Variants in ALG13 observed in about 807,000 individuals in gnomAD.
ALG13 encodes UDP-N-acetylglucosamine transferase subunit ALG13.
ALG13 carries 11 observed loss-of-function variants against 87.8 expected under a neutral mutation model. The ratio of observed to expected loss-of-function variants is 0.13; its 90% CI spans 0.08 to 0.21. The LOEUF is 0.21. Among genes scored for constraint, ALG13 ranks in the 10% least tolerant of loss-of-function variants. The pLI is 1.00. For missense variants in ALG13, 756 were observed against 866.1 expected (o/e 0.87, Z 1.60); for synonymous variants, 320 against 306.3 (o/e 1.04, Z -0.47).
intron 18 of ALG13, 93 bp downstream of exon 18, chrX:111,727,863 A>G (rs1174705358): frequency 3.3e-6 from 3 of 920,493 alleles, no homozygotes; most frequent in Non-Finnish European, 4.4e-6. Context: ...TAGATTTTGT[A>G]CAAATAACCA....
chrX:111,760,221 A>G lies in ALG13; in HGVS notation c.*222A>G, dbSNP rs1256296666. On this transcript the variant is annotated 3_prime_UTR_variant, in exon 27 of 27. Coordinates refer to ENST00000394780, the MANE Select transcript of ALG13 (RefSeq NM_001099922.3). ...TTGAGATGGATGTACAACTAGCCCC[A>G]TATTGAGCATACTTCATTGTATTCA... The G allele has an allele frequency of 5.1e-6, 2 of 390,071 alleles. No homozygotes were observed. Among genetic ancestry groups the G allele is most frequent in the Non-Finnish European group, 8.6e-6 (2 of 232,280 alleles). The allele number at this position is 390,071 out of a possible 1,213,427, so 32.1% of individuals were successfully genotyped here.
In ALG13 at chrX:111,736,864, A is replaced by G. The variant is rs1943295244; in HGVS notation, c.2680A>G (p.Thr894Ala). Residue 894 changes from threonine (T) to alanine (A), a missense_variant, in exon 23 of 27, where the codon ACA becomes GCA. By Grantham distance (58) the Thr-to-Ala change is moderately conservative (BLOSUM62 0). Coordinates refer to ENST00000394780, the MANE Select transcript of ALG13 (RefSeq NM_001099922.3). ...AIQPLFVSPPTHGRPVIASPS... is the reference protein window; with the variant it reads ...AIQPLFVSPPAHGRPVIASPS... ...ACAGCCTCTCTTTGTATCTCCACCT[A>G]CACACGGCAGGCCAGGTAGGTTATT... is the stretch of plus-strand genomic sequence containing the variant. 2.5e-6 allele frequency: 3 copies of G among 1,206,009 alleles called. No individual in the cohort carries two copies. The highest frequency in any genetic ancestry group is 3.4e-6 in the Non-Finnish European group (3 of 893,037).
Position 111,707,127 on chromosome X carries a change from A to G in ALG13, c.384-900A>G, listed in dbSNP as rs866045683. On this transcript the variant is annotated intron_variant, in intron 3 of 26. Coordinates refer to ENST00000394780, the MANE Select transcript of ALG13 (RefSeq NM_001099922.3). ...ACAAGCAATTGGGCCTGCCTTTGGC[A>G]CTTAGTATTTTCTTTGGTTTTCTCA... is the stretch of plus-strand genomic sequence containing the variant. Among the ~76,000 whole-genome samples the G allele has an allele frequency of 5.4e-5, 6 of 111,494 alleles. No individual in the cohort carries two copies. The South Asian group carries it at 2.3e-3, about 42-fold the overall frequency.
At chrX:111,687,022 A>C (rs1415387580) in intron 3 of ALG13, among the ~76,000 whole-genome samples, 1 of 111,193 alleles carries the variant, frequency 9.0e-6, no homozygotes, top group Non-Finnish European at 1.9e-5. Context: ...CAATGGTGCG[A>C]TCTCGGCTCA....
chrX:111,684,894 T>C, intron 2 of ALG13, 71 bp from the exon 3 acceptor site: 1 of 1,040,088 alleles, frequency 9.6e-7, no homozygotes, highest in Non-Finnish European at 1.3e-6. Flanking sequence ...TTTTGATTTC[T>C]AGCTATAAAG....
chrX:111,687,321 C>T (rs993469100), intron 3 of ALG13, among the ~76,000 whole-genome samples: 4 of 112,377 alleles, frequency 3.6e-5, no homozygotes, highest in Non-Finnish European at 5.6e-5. Flanking sequence ...TATGTTTGTT[C>T]TAATTTAAGC....
At chrX:111,755,423 AAATTGAC>A (rs1171465828) in intron 25 of ALG13, among the ~76,000 whole-genome samples, 2 of 112,240 alleles carry the variant, frequency 1.8e-5, no homozygotes, top group Non-Finnish European at 3.8e-5. Flanking sequence ...AGCAAAACTA[AAATTGAC>A]AAGTGGGATC....
At chrX:111,718,483 GT>G (rs1295458595) in intron 10 of ALG13, among the ~76,000 whole-genome samples, 1 of 111,235 alleles carries the variant, frequency 9.0e-6, no homozygotes. Context: ...GTTCAGGTCC[GT>G]TTTGTATTGC....
intron 24 of ALG13, among the ~76,000 whole-genome samples, chrX:111,746,977 C>CCCACATGT (rs1227584863): frequency 9.0e-6 from 1 of 111,379 alleles, no homozygotes; most frequent in Non-Finnish European, 1.9e-5. Flanking sequence ...TCCACCGGCC[C>CCCACATGT]CCACATGTCC....
At chrX:111,756,982 A>G (rs1945316068) in intron 25 of ALG13, among the ~76,000 whole-genome samples, 1 of 112,018 alleles carries the variant, frequency 8.9e-6, no homozygotes, top group African/African-American at 3.2e-5. Context: ...ACATCATAGA[A>G]TACCAGGAGA....
At chrX:111,756,567 CTTTTA>C (rs748352192) in intron 25 of ALG13, among the ~76,000 whole-genome samples, 291 of 111,489 alleles carry the variant, frequency 2.6e-3, no homozygotes, top group Middle Eastern at 0.019. Flanking sequence ...GGTGAGAGCT[CTTTTA>C]TTTTAGTCTT....
chrX:111,755,099 A>G (rs947054270), intron 25 of ALG13, among the ~76,000 whole-genome samples: 8 of 111,897 alleles, frequency 7.1e-5, no homozygotes, highest in African/African-American at 2.3e-4. Flanking sequence ...CCAATAGAAC[A>G]GAACAGAGGA....
At chrX:111,701,999 T>G (rs758694650) in intron 3 of ALG13, among the ~76,000 whole-genome samples, 34 of 112,145 alleles carry the variant, frequency 3.0e-4, no homozygotes, top group African/African-American at 9.0e-4. Flanking sequence ...TGTTACTGAT[T>G]TATAGTTTCA....
chrX:111,717,825 G>T (rs779612776), intron 8 of ALG13, 21 bp from the exon 9 acceptor site: 2 of 1,093,525 alleles, frequency 1.8e-6, no homozygotes, highest in South Asian at 4.0e-5. Context: ...TCACTTAATT[G>T]TTCTGTGTGT....
At chrX:111,690,590 T>C (rs901590424) in intron 3 of ALG13, among the ~76,000 whole-genome samples, 4 of 111,297 alleles carry the variant, frequency 3.6e-5, no homozygotes, top group Non-Finnish European at 5.7e-5. Context: ...TTGGACACCT[T>C]AGACCTCTAC....
chrX:111,754,626 T>A (rs1945067479), intron 25 of ALG13, among the ~76,000 whole-genome samples: 1 of 112,017 alleles, frequency 8.9e-6, no homozygotes, highest in African/African-American at 3.2e-5. Flanking sequence ...ATCACAAGCA[T>A]GTCTATACAC....
chrX:111,744,646 TTA>T lies in ALG13; in HGVS notation c.2696-20_2696-19del, dbSNP rs1569521981. ...GGTGTTATAGTTGTGTATTGCTACT[TTA>T]TGTTTTGTTTCTTTGTTAGTGATTG... On this transcript the variant is annotated intron_variant, in intron 23 of 26. Coordinates refer to ENST00000394780, the MANE Select transcript of ALG13 (RefSeq NM_001099922.3). The T allele has an allele frequency of 8.5e-7, 1 of 1,174,914 alleles. No individual in the cohort carries two copies.
rs538552280 is a variant in ALG13, at chrX:111,689,738, G to A, written c.383+4635G>A. On this transcript the variant is annotated intron_variant, in intron 3 of 26. Coordinates refer to ENST00000394780, the MANE Select transcript of ALG13 (RefSeq NM_001099922.3). ...TTTGGCAGAACTGCCCCTAGGAGCA[G>A]CTCCTTGATTCCCAGTCCCCTGCTC... is the stretch of plus-strand genomic sequence containing the variant. 6.8e-5 allele frequency: 49 copies of A among 721,014 alleles called. 2 individuals are homozygous for A. In the African/African-American group the frequency reaches 7.5e-4, roughly 11 times the overall value. 59.4% of individuals were successfully genotyped at this position (721,014 alleles called of 1,213,427 possible).
intron 3 of ALG13, chrX:111,686,321 G>A: frequency 3.2e-6 from 1 of 314,299 alleles, no homozygotes; most frequent in Non-Finnish European, 5.0e-6. Flanking sequence ...TAAAAAACCT[G>A]AGAAGAAACT....
Sources: gnomAD v4.1 joint callset for allele counts (sites outside exome capture counted in the v4.1 genomes callset) on GRCh38, gnomAD v4.1.1 for gene constraint, MANE v1.5 for transcripts, NCBI Gene and HGNC (gene_info 2026-07-23, HGNC 2026-07-21) for gene names.